PRKG2: variants seen among roughly 807,000 people sequenced by gnomAD.
PRKG2 encodes the protein cGMP-dependent protein kinase 2.
In PRKG2, 33 loss-of-function variants were observed where a neutral mutation model predicts 97.2. The ratio of observed to expected loss-of-function variants is 0.34; its 90% confidence interval spans 0.26 to 0.45. PRKG2 has a LOEUF of 0.45. Among genes scored for constraint, PRKG2 ranks in the 20% least tolerant of loss-of-function variants. The probability of loss-of-function intolerance (pLI) is 1.00; values close to 1 mark genes in which losing one functional copy is unlikely to be tolerated. For missense variants in PRKG2, 638 were observed against 900.0 expected, an observed-to-expected ratio of 0.71 and a Z score of 3.73; for synonymous variants, 330 against 321.8, an observed-to-expected ratio of 1.03 and a Z score of -0.27.
At chr4:81,106,113 T>C (rs995306419) in intron 15 of PRKG2, among the ~76,000 whole-genome samples, 178 bp from the exon 16 acceptor site, 1 of 152,182 alleles carries the variant, frequency 6.6e-6, no homozygotes, top group Non-Finnish European at 1.5e-5. Flanking sequence ...ACTAATTTAA[T>C]ATCGCTTAGC....
At chr4:81,158,166 T>C (rs1242201394) in intron 6 of PRKG2, among the ~76,000 whole-genome samples, 1 of 145,538 alleles carries the variant, frequency 6.9e-6, no homozygotes, top group Non-Finnish European at 1.5e-5. Context: ...GATATGATTG[T>C]ATATCTAGAA....
chr4:81,141,972 C>T lies in PRKG2; in HGVS notation c.1407+822G>A, dbSNP rs569838368. Among the ~76,000 whole-genome samples the T allele has an allele frequency of 5.3e-5, 8 of 152,276 alleles. No homozygotes were observed. The East Asian group carries it at 1.5e-3, about 29-fold the overall frequency. ...CTCATGCCCAAAGCCAGCCAGCAGA[C>T]CAACAGGTCAGCAGAGTTCCCAGAA... On this transcript the variant is annotated intron_variant, in intron 11 of 18. Coordinates refer to ENST00000264399, the MANE Select transcript of PRKG2 (RefSeq NM_006259.3).
At chr4:81,174,395 A>G (rs1178999027) in intron 3 of PRKG2, among the ~76,000 whole-genome samples, 1 of 152,066 alleles carries the variant, frequency 6.6e-6, no homozygotes, top group Non-Finnish European at 1.5e-5. Context: ...TATTGTGATT[A>G]GAAGTGCAGA....
intron 8 of PRKG2, among the ~76,000 whole-genome samples, 156 bp downstream of exon 8, chr4:81,151,804 C>T (rs1423698539): frequency 6.6e-6 from 1 of 152,080 alleles, no homozygotes; most frequent in Admixed American, 6.6e-5. Flanking sequence ...ATACTCATTT[C>T]CCGCATAAAA....
At chr4:81,185,264 C>T (rs1389271108) in intron 2 of PRKG2, among the ~76,000 whole-genome samples, 1 of 152,148 alleles carries the variant, frequency 6.6e-6, no homozygotes, top group Non-Finnish European at 1.5e-5. Flanking sequence ...GCCCATCAGA[C>T]TAACAGTGGA....
intron 8 of PRKG2, 106 bp downstream of exon 8, chr4:81,151,854 T>G (rs1748432935): frequency 9.8e-6 from 8 of 815,378 alleles, no homozygotes; most frequent in Non-Finnish European, 1.4e-5. Flanking sequence ...ATTAGGATAT[T>G]TGTTGCCATT....
chr4:81,169,601 C>T, intron 5 of PRKG2, 62 bp downstream of exon 5: 7 of 1,189,560 alleles, frequency 5.9e-6, no homozygotes, highest in Non-Finnish European at 8.5e-6. Context: ...TCTGATAAAA[C>T]CAATATATTC....
chr4:81,190,909 T>C lies in PRKG2; in HGVS notation c.461+13678A>G, dbSNP rs1038550106. 7.9e-5 allele frequency among the ~76,000 whole-genome samples: 12 copies of C among 152,144 alleles called. No homozygotes were observed. The East Asian group carries it at 2.3e-3, about 29-fold the overall frequency. On this transcript the variant is annotated intron_variant, in intron 2 of 18. Transcript: ENST00000264399. ...TGCCATCTCATGCCAGGTAGAATGG[T>C]GATCATTAAAAAGTCAGGAAACAAC...
intron 17 of PRKG2, among the ~76,000 whole-genome samples, chr4:81,100,561 A>G (rs985590687): frequency 6.6e-6 from 1 of 152,204 alleles, no homozygotes; most frequent in Non-Finnish European, 1.5e-5. Flanking sequence ...ACAAAAATTA[A>G]TTCAAGATGG....
intron 2 of PRKG2, chr4:81,192,974 C>T (rs1322365235): frequency 6.6e-6 from 1 of 152,210 alleles, no homozygotes; most frequent in Non-Finnish European, 1.5e-5. Flanking sequence ...TTGTATTAGG[C>T]TCTCAATCTT....
At chr4:81,153,271 T>C (rs1014391936) in intron 7 of PRKG2, among the ~76,000 whole-genome samples, 2 of 152,316 alleles carry the variant, frequency 1.3e-5, no homozygotes, top group Non-Finnish European at 2.9e-5. Flanking sequence ...CACCTGCTAC[T>C]TGTCATATCT....
At position 81,202,731 on chromosome 4, in the gene PRKG2, A is replaced by ATTT. The variant is rs11393734; in HGVS notation, c.461+1853_461+1855dup. 2.8e-3 allele frequency among the ~76,000 whole-genome samples: 427 copies of ATTT among 150,352 alleles called. 8 individuals carry two copies. In the East Asian group the frequency reaches 0.044, roughly 16 times the overall value. ...GCACAGAAAGTGTATATAACTACTG[A>ATTT]TTTTTTTTTTGCCTGATTATAGCAG... On this transcript the variant is annotated intron_variant, in intron 2 of 18. Transcript: ENST00000264399.
chr4:81,163,534 T>A (rs1006081728), intron 6 of PRKG2, among the ~76,000 whole-genome samples: 1 of 152,216 alleles, frequency 6.6e-6, no homozygotes, highest in Non-Finnish European at 1.5e-5. Flanking sequence ...ATAATACTTA[T>A]ACTTACTATT....
rs563354896 is a variant in PRKG2 at position 81,211,988 on chromosome 4, G to A, written c.-14+2948C>T. On this transcript the variant is annotated intron_variant, in intron 1 of 18. Coordinates refer to ENST00000264399, the MANE Select transcript of PRKG2 (RefSeq NM_006259.3). ...GTTACCATTAGCTTGTCTCTCTAAAGTTCCTTTAGAAAATAATTGAATATA... is the reference window on the plus strand; with the variant it reads ...GTTACCATTAGCTTGTCTCTCTAAAATTCCTTTAGAAAATAATTGAATATA... Among the ~76,000 whole-genome samples the A allele has an allele frequency of 6.0e-5, 9 of 149,996 alleles. No individual in the cohort carries two copies. In the South Asian group the frequency reaches 1.9e-3, roughly 32 times the overall value.
At chr4:81,161,302 T>G (rs1454045490) in intron 6 of PRKG2, among the ~76,000 whole-genome samples, 1 of 152,196 alleles carries the variant, frequency 6.6e-6, no homozygotes, top group Non-Finnish European at 1.5e-5. Context: ...ACAAGAAATT[T>G]ACTTTCCTCA....
intron 14 of PRKG2, among the ~76,000 whole-genome samples, chr4:81,116,607 A>T (rs1744553008): frequency 6.6e-6 from 1 of 152,166 alleles, no homozygotes; most frequent in African/African-American, 2.4e-5. Context: ...ACTGCTTTCC[A>T]CAATAGCTGA....
chr4:81,095,170 C>T (rs144267958), intron 17 of PRKG2, among the ~76,000 whole-genome samples: 188 of 152,198 alleles, frequency 1.2e-3, no homozygotes, highest in African/African-American at 4.3e-3. Context: ...AGAAAAGGAA[C>T]GAAAAACAGA....
At chr4:81,140,821 C>T (rs1747208964) in intron 11 of PRKG2, 152 bp from the exon 12 acceptor site, 2 of 551,982 alleles carry the variant, frequency 3.6e-6, no homozygotes, top group Middle Eastern at 5.1e-4. Flanking sequence ...GTACACACTT[C>T]CCTTTCATCA....
intron 14 of PRKG2, among the ~76,000 whole-genome samples, chr4:81,134,494 C>G (rs573903423): frequency 4.7e-4 from 72 of 152,266 alleles, no homozygotes; most frequent in Non-Finnish European, 9.6e-4. Context: ...AGGCCCAAGG[C>G]GCCTTGCTTT....
Sources: gnomAD v4.1 joint callset for allele counts (sites outside exome capture counted in the v4.1 genomes callset) on GRCh38, gnomAD v4.1.1 for gene constraint, MANE v1.5 for transcripts, NCBI Gene and HGNC (gene_info 2026-07-23, HGNC 2026-07-21) for gene names.